The following ADAM17 variants were observed in gnomAD, a reference collection of about 807,000 sequenced individuals.
The protein encoded by ADAM17 is disintegrin and metalloproteinase domain-containing protein 17.
A neutral mutation model predicts 96.7 loss-of-function variants in ADAM17; 39 were observed. That is an observed-to-expected ratio of 0.40 (90% CI 0.31 to 0.53). The LOEUF is 0.53. Among genes scored for constraint, ADAM17 ranks in the 20% least tolerant of loss-of-function variants. The pLI, the probability that ADAM17 is intolerant of heterozygous loss-of-function variation, is 0.44. For synonymous variants in ADAM17, 344 were observed against 359.2 expected (o/e 0.96, Z 0.48); for missense variants, 777 against 1,013.2 (o/e 0.77, Z 3.17).
chr2:9,490,603 C>G, intron 18 of ADAM17, 85 bp from the exon 19 acceptor site: 1 of 1,350,284 alleles, frequency 7.4e-7, no homozygotes, highest in Non-Finnish European at 1.0e-6. Context: ...CATCAAACAG[C>G]CTCTTATTCT....
At chr2:9,534,026 G>A (rs1266267382) in intron 4 of ADAM17, among the ~76,000 whole-genome samples, 1 of 152,132 alleles carries the variant, frequency 6.6e-6, no homozygotes. Flanking sequence ...GCACCAAAAG[G>A]TGTGCCCAAG....
intron 17 of ADAM17, among the ~76,000 whole-genome samples, chr2:9,491,663 C>G (rs1369923376): frequency 6.6e-6 from 1 of 152,190 alleles, no homozygotes; most frequent in Non-Finnish European, 1.5e-5. Context: ...TCCCTACATC[C>G]TACTTCTGCA....
At chr2:9,507,902 G>A (rs1663510102) in intron 11 of ADAM17, among the ~76,000 whole-genome samples, 1 of 152,084 alleles carries the variant, frequency 6.6e-6, no homozygotes, top group South Asian at 2.1e-4. Flanking sequence ...CTGTAGAGAT[G>A]GAGTTTCACA....
intron 10 of ADAM17, among the ~76,000 whole-genome samples, chr2:9,511,998 T>C (rs925467891): frequency 5.3e-5 from 7 of 130,986 alleles, no homozygotes; most frequent in African/African-American, 1.6e-4. Context: ...TAAAATAAAA[T>C]AAATATATAT....
Position 9,503,856 on chromosome 2 carries a change from AT to A in ADAM17, c.1544+1309del, listed in dbSNP as rs201099242. 5.0e-3 allele frequency among the ~76,000 whole-genome samples: 752 copies of A among 151,592 alleles called. 9 individuals are homozygous for A. The highest frequency in any genetic ancestry group is 0.018 in the African/African-American group (727 of 41,236). ...CCGTCTCAAAAAAAAAAAAAAAGAA[AT>A]AAAAGATTATTTGGGCCAGGCATGG... On this transcript the variant is annotated intron_variant, in intron 12 of 18. Coordinates refer to ENST00000310823, the MANE Select transcript of ADAM17 (RefSeq NM_003183.6).
In ADAM17 at chr2:9,555,523, G is replaced by A. The variant is rs1028126173; in HGVS notation, c.83C>T (p.Pro28Leu). 2.5e-6 allele frequency: 4 copies of A among 1,598,372 alleles called. No individual in the cohort carries two copies. In the African/African-American group the frequency reaches 4.0e-5, roughly 16 times the overall value. ...PRPPDDPGFG[P>L]HQRLEKLDSL... Reference sequence around the variant, plus strand: ...TGGGTCTTTACCGAGTCTCTGGTGGGGGCCGAAGCCCGGGTCATCCGGAGG... The same window carrying A: ...TGGGTCTTTACCGAGTCTCTGGTGGAGGCCGAAGCCCGGGTCATCCGGAGG... The change falls in exon 1 of 19, where the codon CCC becomes CTC. Residue 28 changes from proline to leucine, a missense_variant. Physicochemically the swap from Pro to Leu is moderately conservative, Grantham distance 98. Coordinates refer to ENST00000310823, the MANE Select transcript of ADAM17 (RefSeq NM_003183.6).
intron 5 of ADAM17, 64 bp downstream of exon 5, chr2:9,527,720 CCA>C: frequency 9.1e-7 from 1 of 1,097,648 alleles, no homozygotes; most frequent in Non-Finnish European, 1.2e-6. Flanking sequence ...CAAATAACAA[CCA>C]CCCCTACTGA....
chr2:9,525,405 T>C (rs140019399), intron 6 of ADAM17, among the ~76,000 whole-genome samples: 298 of 152,078 alleles, frequency 2.0e-3, no homozygotes, highest in Non-Finnish European at 3.0e-3. Context: ...GAGAAAGACA[T>C]CTTTACTGCA....
rs1213919188 is a variant in ADAM17, at chr2:9,548,274, G to A, written c.98-4989C>T. Among the ~76,000 whole-genome samples, 5 of 152,094 alleles carry A rather than the reference G, an allele frequency of 3.3e-5. 1 individual carries two copies. The highest frequency in any genetic ancestry group is 2.6e-4 in the Admixed American group (4 of 15,264). The stretch of plus-strand genomic sequence containing the variant: ...TTGAACCCAGGAGGCAAAGGTGGCA[G>A]TGAGCCGAGATCATGCCACTGCACT... On this transcript the variant is annotated intron_variant, in intron 1 of 18. Transcript: ENST00000310823.
At chr2:9,528,278 T>C (rs1664606346) in intron 4 of ADAM17, among the ~76,000 whole-genome samples, 1 of 152,202 alleles carries the variant, frequency 6.6e-6, no homozygotes, top group Non-Finnish European at 1.5e-5. Flanking sequence ...AAAAATATTA[T>C]GTAATATCTA....
In ADAM17 at chr2:9,493,833, G is replaced by GA; in HGVS notation, c.1915-9dup. 6 of 1,610,424 alleles carry GA rather than the reference G, an allele frequency of 3.7e-6. No homozygotes were observed. Among genetic ancestry groups the GA allele is most frequent in the East Asian group, 2.2e-5 (1 of 44,818 alleles). ...TCGTTTCTCACATTTGCCCTATGAA[G>GA]AAAAAACATACATACAGCATCATTC... On this transcript the variant is annotated splice_polypyrimidine_tract_variant and intron_variant, in intron 15 of 18. Transcript: ENST00000310823.
intron 11 of ADAM17, among the ~76,000 whole-genome samples, chr2:9,508,897 G>C (rs1663572926): frequency 6.6e-6 from 1 of 151,930 alleles, no homozygotes; most frequent in African/African-American, 2.4e-5. Context: ...TTGTCAAGCA[G>C]AGGAAAAATA....
chr2:9,498,205 CTTTTT>C (rs869073680), intron 13 of ADAM17, among the ~76,000 whole-genome samples: 2 of 145,572 alleles, frequency 1.4e-5, no homozygotes, highest in African/African-American at 2.6e-5. Context: ...AATTTTCTTT[CTTTTT>C]TTTTGAGAGA....
At position 9,512,092 on chromosome 2, in the gene ADAM17, A is replaced by G. The variant is rs538133464; in HGVS notation, c.1192-1961T>C. Among the ~76,000 whole-genome samples, 20 of 152,242 alleles carry G rather than the reference A, an allele frequency of 1.3e-4. No homozygotes were observed. In the East Asian group the frequency reaches 3.7e-3, roughly 28 times the overall value. Reference sequence around the variant, plus strand: ...GAACCTGAAAAAATAATATTTTGCAAGTCATTTTTCTATACAAGAAGTCTT... The same window carrying G: ...GAACCTGAAAAAATAATATTTTGCAGGTCATTTTTCTATACAAGAAGTCTT... On this transcript the variant is annotated intron_variant, in intron 10 of 18. Coordinates refer to ENST00000310823, the MANE Select transcript of ADAM17 (RefSeq NM_003183.6).
intron 10 of ADAM17, 145 bp downstream of exon 10, chr2:9,517,756 C>T: frequency 1.9e-6 from 1 of 539,692 alleles, no homozygotes. Flanking sequence ...TCATATATCC[C>T]ACAAAAATAC....
intron 10 of ADAM17, among the ~76,000 whole-genome samples, chr2:9,510,441 G>C (rs1277564289): frequency 6.6e-6 from 1 of 152,066 alleles, no homozygotes; most frequent in East Asian, 1.9e-4. Flanking sequence ...TGAGGCAGGT[G>C]GATCACGAGG....
At chr2:9,545,448 T>C (rs1443518169) in intron 1 of ADAM17, among the ~76,000 whole-genome samples, 3 of 152,062 alleles carry the variant, frequency 2.0e-5, no homozygotes, top group African/African-American at 4.8e-5. Context: ...CAGACGCCTA[T>C]AATCCCAGCT....
chr2:9,516,995 G>A lies in ADAM17; in HGVS notation c.1191+906C>T, dbSNP rs188524244. Among the ~76,000 whole-genome samples the A allele has an allele frequency of 2.2e-3, 331 of 152,264 alleles. 1 individual carries two copies. The highest frequency in any genetic ancestry group is 7.7e-3 in the African/African-American group (321 of 41,558). ...ATGGGGCCTCCAGAGAAGCTTTTTA[G>A]AAGGGCCAGACTAGGCTAGCCATGT... On this transcript the variant is annotated intron_variant, in intron 10 of 18. Transcript: ENST00000310823.
At chr2:9,501,123 T>C (rs2124988315) in intron 13 of ADAM17, among the ~76,000 whole-genome samples, 1 of 152,130 alleles carries the variant, frequency 6.6e-6, no homozygotes, top group Non-Finnish European at 1.5e-5. Flanking sequence ...TGAAATAACA[T>C]GAAACCCAAT....
Sources: gnomAD v4.1 joint callset for allele counts (sites outside exome capture counted in the v4.1 genomes callset) on GRCh38, gnomAD v4.1.1 for gene constraint, MANE v1.5 for transcripts, NCBI Gene and HGNC (gene_info 2026-07-23, HGNC 2026-07-21) for gene names.